Variants in FRYL observed in about 807,000 individuals in gnomAD.
FRYL encodes protein furry homolog-like.
Under a neutral mutation model 351.2 loss-of-function variants are expected in FRYL, and 150 were observed. That is an observed-to-expected ratio of 0.43 (90% CI 0.37 to 0.49). The LOEUF is 0.49. FRYL is among the 20% of genes least tolerant of loss of function. The pLI is 0.00. For missense variants in FRYL, 3,036 were observed against 3,619.3 expected, an observed-to-expected ratio of 0.84 and a Z score of 4.13; for synonymous variants, 1,153 against 1,257.1, an observed-to-expected ratio of 0.92 and a Z score of 1.75.
At chr4:48,564,767 G>A (rs1286922949) in intron 30 of FRYL, among the ~76,000 whole-genome samples, 166 bp downstream of exon 30, 1 of 152,088 alleles carries the variant, frequency 6.6e-6, no homozygotes, top group East Asian at 1.9e-4. Context: ...GAATTGGAAC[G>A]TTTTTACATT....
At chr4:48,534,302 T>G (rs1296325155) in intron 49 of FRYL, among the ~76,000 whole-genome samples, 3 of 152,198 alleles carry the variant, frequency 2.0e-5, no homozygotes, top group Non-Finnish European at 4.4e-5. Context: ...GTATATGCAT[T>G]CCTTCCTGTC....
At chr4:48,636,844 T>C (rs1754326702) in intron 3 of FRYL, 1 of 152,142 alleles carries the variant, frequency 6.6e-6, no homozygotes, top group Non-Finnish European at 1.5e-5. Context: ...GATCTACTGA[T>C]TGAAATTCCA....
intron 2 of FRYL, among the ~76,000 whole-genome samples, chr4:48,708,908 G>T (rs1238334320): frequency 5.0e-5 from 4 of 80,214 alleles, no homozygotes. Context: ...AAGGTATCGT[G>T]TGTTTTTTTT....
At chr4:48,772,672 G>A in intron 1 of FRYL, among the ~76,000 whole-genome samples, 1 of 61,808 alleles carries the variant, frequency 1.6e-5, no homozygotes, top group African/African-American at 5.9e-5. Flanking sequence ...GAAATGAAGA[G>A]ACCTACCAAA....
intron 61 of FRYL, among the ~76,000 whole-genome samples, chr4:48,502,390 A>C (rs913766960): frequency 6.6e-6 from 1 of 151,886 alleles, no homozygotes; most frequent in African/African-American, 2.4e-5. Flanking sequence ...AAAATACAAA[A>C]AATAATTAGC....
At chr4:48,642,582 A>T (rs1285125513) in intron 3 of FRYL, among the ~76,000 whole-genome samples, 4 of 152,090 alleles carry the variant, frequency 2.6e-5, no homozygotes, top group African/African-American at 9.7e-5. Flanking sequence ...ATCCTAAACT[A>T]TTCTTATTGA....
intron 1 of FRYL, among the ~76,000 whole-genome samples, chr4:48,758,678 C>T (rs912772409): frequency 1.2e-4 from 19 of 152,296 alleles, no homozygotes; most frequent in African/African-American, 4.6e-4. Context: ...TGTGGCGATT[C>T]CTCAAGGATC....
At chr4:48,583,426 C>T (rs1024194368) in intron 19 of FRYL, among the ~76,000 whole-genome samples, 7 of 152,064 alleles carry the variant, frequency 4.6e-5, no homozygotes, top group East Asian at 1.9e-4. Flanking sequence ...GCTGGGATTA[C>T]GGGCGTGAGC....
rs201513871 is a variant in FRYL at position 48,742,818 on chromosome 4, TTTTTTTG to T, written c.-383-32127_-383-32121del. 8.5e-3 allele frequency among the ~76,000 whole-genome samples: 1,296 copies of T among 151,936 alleles called. 8 individuals carry two copies. The highest frequency in any genetic ancestry group is 0.02 in the African/African-American group (844 of 41,432). On this transcript the variant is annotated intron_variant, in intron 1 of 63. Coordinates refer to ENST00000358350, the MANE Select transcript of FRYL (RefSeq NM_015030.2). ...GAGGGTAATCTGAGATTTTTTGTTG[TTTTTTTG>T]TTTTTTGTTTTTTGAGACAGAGTTT...
At chr4:48,708,570 C>T (rs995578669) in intron 2 of FRYL, among the ~76,000 whole-genome samples, 50 of 152,152 alleles carry the variant, frequency 3.3e-4, no homozygotes, top group African/African-American at 9.2e-4. Context: ...TGTATATATC[C>T]GCAAGGTTAT....
At chr4:48,546,406 T>G in intron 41 of FRYL, 135 bp from the exon 42 acceptor site, 1 of 672,400 alleles carries the variant, frequency 1.5e-6, no homozygotes, top group Non-Finnish European at 2.6e-6. Context: ...TGTGAATCAG[T>G]GCTCCTGCTG....
intron 16 of FRYL, among the ~76,000 whole-genome samples, chr4:48,593,131 G>A (rs1202158561): frequency 6.6e-6 from 1 of 151,642 alleles, no homozygotes; most frequent in African/African-American, 2.4e-5. Context: ...TTTTTGGCAT[G>A]GGGGAAACAA....
intron 1 of FRYL, among the ~76,000 whole-genome samples, chr4:48,768,037 T>C (rs1775145667): frequency 6.6e-6 from 1 of 152,216 alleles, no homozygotes; most frequent in Non-Finnish European, 1.5e-5. Flanking sequence ...CACCTTGCAT[T>C]AAACCTCTTC....
At chr4:48,619,922 A>G (rs1750312039) in intron 6 of FRYL, among the ~76,000 whole-genome samples, 1 of 152,248 alleles carries the variant, frequency 6.6e-6, no homozygotes, top group Admixed American at 6.5e-5. Flanking sequence ...ACCTAAAAGA[A>G]TTAGTAAGAA....
At chr4:48,610,338 A>C (rs1341129268) in intron 7 of FRYL, among the ~76,000 whole-genome samples, 1 of 152,072 alleles carries the variant, frequency 6.6e-6, no homozygotes, top group Admixed American at 6.6e-5. Flanking sequence ...GCTAGTTCCT[A>C]TTATGTAAAA....
intron 2 of FRYL, among the ~76,000 whole-genome samples, chr4:48,686,178 G>A (rs1765136424): frequency 6.6e-6 from 1 of 151,994 alleles, no homozygotes; most frequent in Non-Finnish European, 1.5e-5. Flanking sequence ...CAACAGAAAG[G>A]GTGAAATATC....
At chr4:48,585,230 G>GT (rs1213715507) in intron 19 of FRYL, among the ~76,000 whole-genome samples, 1 of 152,150 alleles carries the variant, frequency 6.6e-6, no homozygotes, top group Non-Finnish European at 1.5e-5. Context: ...CATGAACTTT[G>GT]TAACTCTACA....
intron 1 of FRYL, among the ~76,000 whole-genome samples, chr4:48,779,745 G>C (rs1163165256): frequency 2.0e-5 from 3 of 151,952 alleles, no homozygotes; most frequent in Non-Finnish European, 4.4e-5. Context: ...GCGCGCGCGA[G>C]AAGAGCCAGG....
chr4:48,525,859 G>T (rs571976760), intron 53 of FRYL, among the ~76,000 whole-genome samples: 1 of 151,768 alleles, frequency 6.6e-6, no homozygotes, highest in Admixed American at 6.6e-5. Context: ...GAATGTGTAT[G>T]AGCTGTATAT....
Sources: allele counts gnomAD v4.1 joint callset (sites outside exome capture counted in the v4.1 genomes callset), GRCh38; gene constraint gnomAD v4.1.1; transcripts MANE v1.5; gene names NCBI Gene and HGNC (gene_info 2026-07-23, HGNC 2026-07-21).